MAML2: variants seen among roughly 807,000 people sequenced by gnomAD.
MAML2 encodes the protein mastermind like transcriptional coactivator 2.
MAML2 carries 22 observed loss-of-function variants against 96.1 expected under a neutral mutation model. The observed-to-expected ratio is 0.23, with a 90% CI of 0.16 to 0.33. MAML2 has a LOEUF of 0.33. MAML2 is among the 10% of genes least tolerant of loss of function. The pLI, the probability that MAML2 is intolerant of heterozygous loss-of-function variation, is 1.00. For missense variants in MAML2, 1,367 were observed against 1,392.4 expected (o/e 0.98, Z 0.29); for synonymous variants, 561 against 521.3 (o/e 1.08, Z -1.04).
intron 2 of MAML2, among the ~76,000 whole-genome samples, chr11:96,043,757 T>C (rs1370101218): frequency 6.6e-6 from 1 of 152,254 alleles, no homozygotes; most frequent in Non-Finnish European, 1.5e-5. Flanking sequence ...GCAATAATGG[T>C]GCCACAGAGG....
At chr11:96,137,186 C>CAAGT (rs1310699565) in intron 1 of MAML2, among the ~76,000 whole-genome samples, 2 of 152,124 alleles carry the variant, frequency 1.3e-5, no homozygotes, top group Non-Finnish European at 2.9e-5. Context: ...TCATAGAAAT[C>CAAGT]AAGTATAAAG....
intron 1 of MAML2, among the ~76,000 whole-genome samples, chr11:96,296,664 A>C (rs2135995224): frequency 6.6e-6 from 1 of 152,252 alleles, no homozygotes; most frequent in South Asian, 2.1e-4. Context: ...AATTAAATAA[A>C]TAAATAAATA....
At chr11:95,989,918 T>TA (rs755439777) in intron 3 of MAML2, among the ~76,000 whole-genome samples, 2 of 152,222 alleles carry the variant, frequency 1.3e-5, no homozygotes, top group Non-Finnish European at 2.9e-5. Context: ...GTTTACTTTT[T>TA]ATCAGGCATT....
chr11:96,037,995 C>T (rs540864597), intron 2 of MAML2, among the ~76,000 whole-genome samples: 5 of 152,168 alleles, frequency 3.3e-5, no homozygotes, highest in African/African-American at 1.2e-4. Flanking sequence ...GTTGAAAATC[C>T]ACATTCTTGT....
intron 1 of MAML2, among the ~76,000 whole-genome samples, chr11:96,139,479 A>G (rs1214436052): frequency 6.6e-6 from 1 of 151,430 alleles, no homozygotes; most frequent in Non-Finnish European, 1.5e-5. Flanking sequence ...TCTGTCTTAA[A>G]AAAAAAAAAA....
intron 2 of MAML2, among the ~76,000 whole-genome samples, chr11:95,998,480 A>G (rs1372186346): frequency 6.6e-6 from 1 of 152,116 alleles, no homozygotes; most frequent in Admixed American, 6.6e-5. Context: ...GCATTTCATC[A>G]GGTGCTAGAG....
intron 1 of MAML2, among the ~76,000 whole-genome samples, chr11:96,334,480 G>A (rs1863892041): frequency 6.6e-6 from 1 of 152,158 alleles, no homozygotes; most frequent in Non-Finnish European, 1.5e-5. Flanking sequence ...GGGGTGATTT[G>A]AAATCTGGTC....
intron 2 of MAML2, among the ~76,000 whole-genome samples, chr11:96,004,304 G>C (rs1858143077): frequency 6.6e-6 from 1 of 152,006 alleles, no homozygotes; most frequent in African/African-American, 2.4e-5. Flanking sequence ...CAGTTCCAAA[G>C]AAAGAAAATC....
At chr11:95,987,215 G>A (rs1448942737) in intron 3 of MAML2, among the ~76,000 whole-genome samples, 1 of 152,140 alleles carries the variant, frequency 6.6e-6, no homozygotes, top group East Asian at 1.9e-4. Flanking sequence ...GTTGCACAGT[G>A]ACCTTGTTTG....
At chr11:96,330,533 A>G (rs77279141) in intron 1 of MAML2, among the ~76,000 whole-genome samples, 9,138 of 152,288 alleles carry the variant, frequency 0.06, 501 homozygotes, top group East Asian at 0.3. Context: ...AAACCACCCC[A>G]AAAGTTAGTG....
intron 2 of MAML2, among the ~76,000 whole-genome samples, chr11:96,004,707 G>T (rs1375698516): frequency 6.6e-6 from 1 of 152,226 alleles, no homozygotes; most frequent in Non-Finnish European, 1.5e-5. Context: ...ATACAATTTT[G>T]TATATTTTGA....
At chr11:96,222,261 G>A (rs772508252) in intron 1 of MAML2, among the ~76,000 whole-genome samples, 6 of 152,170 alleles carry the variant, frequency 3.9e-5, no homozygotes, top group African/African-American at 1.2e-4. Context: ...ATAAGCGCAC[G>A]CTGAATATGT....
Position 96,330,506 on chromosome 11 carries a change from T to C in MAML2, c.513+10877A>G, listed in dbSNP as rs1292043487. ...TAAAATTTTCCAGCTCTGATTCTGT[T>C]AAACTTTTCTACTTACAAACCACCC... On this transcript the variant is annotated intron_variant, in intron 1 of 4. Transcript: ENST00000524717. 3.9e-5 allele frequency among the ~76,000 whole-genome samples: 6 copies of C among 152,240 alleles called. No homozygotes were observed. In the East Asian group the frequency reaches 1.2e-3, roughly 29 times the overall value.
chr11:96,208,788 G>A (rs1861928650), intron 1 of MAML2, among the ~76,000 whole-genome samples: 1 of 152,138 alleles, frequency 6.6e-6, no homozygotes, highest in East Asian at 1.9e-4. Context: ...ACCAGGGAAA[G>A]GTGAAGTCCA....
At chr11:96,280,485 T>C (rs368291898) in intron 1 of MAML2, among the ~76,000 whole-genome samples, 69 of 152,336 alleles carry the variant, frequency 4.5e-4, no homozygotes, top group African/African-American at 1.5e-3. Flanking sequence ...GGTTTTACTA[T>C]TCTGTTTTGT....
In MAML2 at chr11:96,341,842, A is replaced by G. The variant is rs1259983480; in HGVS notation, c.54T>C (p.Ser18=). Residue 18 remains serine (S), a synonymous_variant, in exon 1 of 5, where the codon TCT becomes TCC. Transcript: ENST00000524717. ...AGCCCCCTCCAAGGAGCCCCGCCCC[A>G]GAGGCCCCCCCTAGCCCTCCTGCGG... ...QAPAGGLGGA[S]GAGLLGGGSV... The G allele has an allele frequency of 1.9e-6, 3 of 1,571,348 alleles. No homozygotes were observed. In the South Asian group the frequency reaches 3.5e-5, roughly 18 times the overall value.
At chr11:96,164,291 G>A (rs979108682) in intron 1 of MAML2, among the ~76,000 whole-genome samples, 8 of 152,168 alleles carry the variant, frequency 5.3e-5, no homozygotes, top group Admixed American at 2.0e-4. Context: ...ATAGAAATCA[G>A]AGCTGAAAGG....
chr11:96,041,262 A>T (rs2086296872), intron 2 of MAML2, among the ~76,000 whole-genome samples: 1 of 151,804 alleles, frequency 6.6e-6, no homozygotes, highest in Admixed American at 6.6e-5. Context: ...AGGCTGAGGC[A>T]AGTGGATCAC....
intron 1 of MAML2, among the ~76,000 whole-genome samples, chr11:96,121,091 G>T (rs61901870): frequency 6.8e-6 from 1 of 147,222 alleles, no homozygotes; most frequent in Non-Finnish European, 1.5e-5. Context: ...TCAGGGGGGA[G>T]TGAAGGATAC....
Sources: gnomAD v4.1 joint callset for allele counts (sites outside exome capture counted in the v4.1 genomes callset) on GRCh38, gnomAD v4.1.1 for gene constraint, MANE v1.5 for transcripts, NCBI Gene and HGNC (gene_info 2026-07-23, HGNC 2026-07-21) for gene names.